TUSC3: variants seen among roughly 807,000 people sequenced by gnomAD.
The protein encoded by TUSC3 is tumor suppressor candidate 3.
Under a neutral mutation model 44.8 loss-of-function variants are expected in TUSC3, and 45 were observed. The ratio of observed to expected loss-of-function variants is 1.00; its 90% confidence interval spans 0.79 to 1.29. The LOEUF is 1.29. Ranked by LOEUF, TUSC3 falls within the 50% of genes most tolerant of loss-of-function variation. The pLI, the probability that TUSC3 is intolerant of heterozygous loss-of-function variation, is 0.00. For missense variants in TUSC3, 519 were observed against 437.9 expected (o/e 1.19, Z -1.65); for synonymous variants, 212 against 152.9 (o/e 1.39, Z -2.85).
At chr8:15,592,890 C>T (rs1379369617) in intron 1 of TUSC3, among the ~76,000 whole-genome samples, 1 of 152,040 alleles carries the variant, frequency 6.6e-6, no homozygotes, top group African/African-American at 2.4e-5. Context: ...AGCTAGCCAG[C>T]CAGTAGTGTT....
chr8:15,736,988 A>G (rs1280830948), intron 7 of TUSC3, among the ~76,000 whole-genome samples: 3 of 152,170 alleles, frequency 2.0e-5, no homozygotes, highest in Non-Finnish European at 4.4e-5. Flanking sequence ...AAAATTATTT[A>G]TATAAAAGTA....
intron 2 of TUSC3, among the ~76,000 whole-genome samples, chr8:15,628,902 T>C (rs1387214320): frequency 6.6e-6 from 1 of 152,120 alleles, no homozygotes; most frequent in Non-Finnish European, 1.5e-5. Flanking sequence ...TGAGAGAATA[T>C]GGGAAATATG....
chr8:15,799,099 C>A, the TUSC3 span, among the ~76,000 whole-genome samples: 1 of 152,172 alleles, frequency 6.6e-6, no homozygotes. Context: ...CCAGGATGCA[C>A]TGCAAAACAA....
At chr8:15,692,146 C>A (rs189999945) in intron 6 of TUSC3, among the ~76,000 whole-genome samples, 1 of 152,084 alleles carries the variant, frequency 6.6e-6, no homozygotes, top group African/African-American at 2.4e-5. Flanking sequence ...GTATGTTGAA[C>A]CAACATTGCA....
intron 1 of TUSC3, among the ~76,000 whole-genome samples, chr8:15,464,229 C>A (rs1353302434): frequency 1.3e-5 from 2 of 152,092 alleles, no homozygotes; most frequent in Non-Finnish European, 2.9e-5. Flanking sequence ...CTAATGACTG[C>A]CAGCTGGATG....
At chr8:15,674,029 G>A (rs750303044) in intron 6 of TUSC3, among the ~76,000 whole-genome samples, 193 bp downstream of exon 6, 1 of 151,932 alleles carries the variant, frequency 6.6e-6, no homozygotes, top group Non-Finnish European at 1.5e-5. Context: ...CTTTTGTTAG[G>A]ATGAGGGCTG....
the TUSC3 span, among the ~76,000 whole-genome samples, chr8:15,778,447 G>A: frequency 6.6e-6 from 1 of 152,092 alleles, no homozygotes; most frequent in Admixed American, 6.6e-5. Flanking sequence ...ATTCAAGCCT[G>A]ACTCACAGAA....
chr8:15,834,098 G>A, the TUSC3 span, among the ~76,000 whole-genome samples: 3 of 151,928 alleles, frequency 2.0e-5, no homozygotes, highest in Admixed American at 1.3e-4. Flanking sequence ...TACTCTTCCC[G>A]ACTCTCCTCA....
chr8:15,577,067 G>C (rs1167002066), intron 1 of TUSC3, among the ~76,000 whole-genome samples: 155 of 131,010 alleles, frequency 1.2e-3, no homozygotes, highest in South Asian at 3.0e-3. Flanking sequence ...GGCCAGTGAT[G>C]ATGAGCATTT....
the TUSC3 span, among the ~76,000 whole-genome samples, chr8:15,797,942 T>C: frequency 1.3e-5 from 2 of 152,200 alleles, no homozygotes; most frequent in African/African-American, 4.8e-5. Flanking sequence ...GGCTGTTGTA[T>C]TGGGCTAATG....
At chr8:15,577,777 G>A (rs1208815271) in intron 1 of TUSC3, among the ~76,000 whole-genome samples, 4 of 144,466 alleles carry the variant, frequency 2.8e-5, no homozygotes, top group Non-Finnish European at 6.1e-5. Context: ...TTTTGGCTTA[G>A]GATTGACTTG....
At chr8:15,740,676 G>T (rs577101078) in intron 7 of TUSC3, among the ~76,000 whole-genome samples, 64 of 152,290 alleles carry the variant, frequency 4.2e-4, no homozygotes, top group African/African-American at 1.5e-3. Flanking sequence ...TTAGTGAAAT[G>T]TAAGAAAACT....
the TUSC3 span, among the ~76,000 whole-genome samples, chr8:15,816,968 G>C: frequency 6.6e-6 from 1 of 152,000 alleles, no homozygotes; most frequent in Non-Finnish European, 1.5e-5. Flanking sequence ...CCTTTATTTT[G>C]TTGCAGGATA....
intron 1 of TUSC3, among the ~76,000 whole-genome samples, chr8:15,586,137 C>T (rs767623067): frequency 1.3e-5 from 2 of 152,080 alleles, no homozygotes; most frequent in Non-Finnish European, 2.9e-5. Context: ...AAGGTCAAGT[C>T]AGAGAAGTAT....
chr8:15,436,869 A>G (rs566280886), intron 1 of TUSC3, among the ~76,000 whole-genome samples: 55 of 152,282 alleles, frequency 3.6e-4, no homozygotes, highest in African/African-American at 1.3e-3. Context: ...TAACCCAGGT[A>G]TTTTGACTTT....
chr8:15,795,770 G>A, the TUSC3 span, among the ~76,000 whole-genome samples: 4 of 152,186 alleles, frequency 2.6e-5, no homozygotes, highest in Non-Finnish European at 5.9e-5. Flanking sequence ...CTGCCCAAAC[G>A]GCTGGTAAGC....
At chr8:15,491,173 C>G (rs1479787026) in intron 2 of TUSC3, among the ~76,000 whole-genome samples, 1 of 152,052 alleles carries the variant, frequency 6.6e-6, no homozygotes, top group East Asian at 1.9e-4. Context: ...TCAGACCTGC[C>G]TTTGTCTCAG....
chr8:15,531,716 C>G (rs1486242987), intron 2 of TUSC3, among the ~76,000 whole-genome samples: 1 of 152,192 alleles, frequency 6.6e-6, no homozygotes, highest in Non-Finnish European at 1.5e-5. Context: ...CAGATAACTT[C>G]CACTGTTAAT....
chr8:15,652,145 T>A (rs796862521), intron 3 of TUSC3, among the ~76,000 whole-genome samples: 36 of 152,326 alleles, frequency 2.4e-4, no homozygotes, highest in African/African-American at 8.4e-4. Flanking sequence ...TCAATCTATT[T>A]AAAATGCAAA....
Sources: gnomAD v4.1 joint callset for allele counts (sites outside exome capture counted in the v4.1 genomes callset) on GRCh38, gnomAD v4.1.1 for gene constraint, MANE v1.5 for transcripts, NCBI Gene and HGNC (gene_info 2026-07-23, HGNC 2026-07-21) for gene names.